CNTN1: variants seen among roughly 807,000 people sequenced by gnomAD.
CNTN1 encodes the protein contactin 1.
In CNTN1, 38 loss-of-function variants were observed where a neutral mutation model predicts 126.4. That is an observed-to-expected ratio of 0.30 (90% CI 0.23 to 0.39). The LOEUF (loss-of-function observed/expected upper bound fraction) is 0.39. Among genes scored for constraint, CNTN1 ranks in the 10% least tolerant of loss-of-function variants. The pLI is 1.00. For synonymous variants in CNTN1, 413 were observed against 422.6 expected, an observed-to-expected ratio of 0.98 and a Z score of 0.28; for missense variants, 1,009 against 1,248.4, an observed-to-expected ratio of 0.81 and a Z score of 2.89.
intron 1 of CNTN1, among the ~76,000 whole-genome samples, chr12:40,831,012 ATATAG>A (rs1157877117): frequency 7.1e-6 from 1 of 141,232 alleles, no homozygotes; most frequent in African/African-American, 2.7e-5. Context: ...ATAAGTTAAT[ATATAG>A]TATAGTATAT....
chr12:40,769,279 C>T (rs895883936), intron 1 of CNTN1, among the ~76,000 whole-genome samples: 1 of 151,710 alleles, frequency 6.6e-6, no homozygotes, highest in East Asian at 1.9e-4. Flanking sequence ...TTTTCTGAAA[C>T]ACATGAGCAA....
intron 1 of CNTN1, among the ~76,000 whole-genome samples, chr12:40,829,824 G>C (rs1455712797): frequency 6.6e-6 from 1 of 152,168 alleles, no homozygotes; most frequent in African/African-American, 2.4e-5. Flanking sequence ...CCTCCTGGCT[G>C]AGGTGGCTGA....
chr12:40,694,583 A>G (rs1357512301), intron 1 of CNTN1, among the ~76,000 whole-genome samples: 1 of 152,210 alleles, frequency 6.6e-6, no homozygotes, highest in Non-Finnish European at 1.5e-5. Flanking sequence ...TAATGTTGAT[A>G]CCAGGAACAA....
chr12:40,842,679 G>T (rs1942331401), intron 1 of CNTN1, among the ~76,000 whole-genome samples: 1 of 152,008 alleles, frequency 6.6e-6, no homozygotes, highest in South Asian at 2.1e-4. Flanking sequence ...ATTATGGAGG[G>T]CAACAATCTG....
At chr12:41,011,391 G>A (rs763309105) in intron 17 of CNTN1, among the ~76,000 whole-genome samples, 13 of 152,314 alleles carry the variant, frequency 8.5e-5, no homozygotes, top group African/African-American at 1.2e-4. Flanking sequence ...GCTTCAGAAT[G>A]CACTCCAGAG....
At chr12:40,961,981 G>A (rs924530905) in intron 15 of CNTN1, among the ~76,000 whole-genome samples, 1 of 151,608 alleles carries the variant, frequency 6.6e-6, no homozygotes, top group East Asian at 1.9e-4. Flanking sequence ...TCAGATATTG[G>A]TAATCTGAAC....
At chr12:40,847,542 G>C (rs1172425979) in intron 1 of CNTN1, among the ~76,000 whole-genome samples, 3 of 152,048 alleles carry the variant, frequency 2.0e-5, no homozygotes, top group Non-Finnish European at 1.5e-5. Context: ...ACTAATGGTT[G>C]CTCTTAATTT....
At chr12:41,015,794 C>A (rs1045154851) in intron 18 of CNTN1, among the ~76,000 whole-genome samples, 1 of 151,634 alleles carries the variant, frequency 6.6e-6, no homozygotes, top group Non-Finnish European at 1.5e-5. Flanking sequence ...GACAAGTACT[C>A]ACTAGAAGTA....
chr12:41,037,612 A>T (rs1054224007), intron 23 of CNTN1, among the ~76,000 whole-genome samples: 4 of 151,556 alleles, frequency 2.6e-5, no homozygotes, highest in African/African-American at 9.7e-5. Context: ...CATTTATATG[A>T]AGTTTAAAAT....
chr12:40,785,369 G>T (rs372178520), intron 1 of CNTN1, among the ~76,000 whole-genome samples: 1 of 152,116 alleles, frequency 6.6e-6, no homozygotes, highest in South Asian at 2.1e-4. Context: ...GGCACGTCAC[G>T]TGGCAAGGAA....
chr12:41,011,480 G>A (rs1948652071), intron 17 of CNTN1, among the ~76,000 whole-genome samples: 1 of 152,226 alleles, frequency 6.6e-6, no homozygotes, highest in African/African-American at 2.4e-5. Context: ...GACCCAGGGT[G>A]GGAGAAAGAC....
chr12:40,825,395 A>T (rs929266171), intron 1 of CNTN1, among the ~76,000 whole-genome samples: 4 of 152,146 alleles, frequency 2.6e-5, no homozygotes, highest in Non-Finnish European at 5.9e-5. Context: ...TAACAGATTT[A>T]TACCCAAATT....
intron 17 of CNTN1, among the ~76,000 whole-genome samples, chr12:41,001,588 G>T (rs571335164): frequency 4.3e-4 from 66 of 152,228 alleles, no homozygotes; most frequent in African/African-American, 1.5e-3. Context: ...CTGTGCAGAA[G>T]CTCTTTAGTT....
At chr12:41,002,714 C>T (rs76090365) in intron 17 of CNTN1, among the ~76,000 whole-genome samples, 4,552 of 151,926 alleles carry the variant, frequency 0.03, 85 homozygotes, top group African/African-American at 0.061. Context: ...CCTACCACCA[C>T]GCTCGGCTAA....
chr12:40,761,142 C>T (rs1938850755), intron 1 of CNTN1, among the ~76,000 whole-genome samples: 1 of 152,050 alleles, frequency 6.6e-6, no homozygotes, highest in Admixed American at 6.5e-5. Context: ...AAGTGAAATA[C>T]AGTTTGGAAA....
rs549480424 is a variant in CNTN1, at chr12:40,867,609, T to TATAAA, written c.-76-40747_-76-40743dup. Among the ~76,000 whole-genome samples, 221 of 152,248 alleles carry TATAAA rather than the reference T, an allele frequency of 1.5e-3. 3 individuals are homozygous for TATAAA. Among genetic ancestry groups the TATAAA allele is most frequent in the African/African-American group, 5.2e-3 (215 of 41,562 alleles). ...AAATGTGTTGTATATGGCAAGTATA[T>TATAAA]ATAAATTTTATTTGTCAATTTAAAA... On this transcript the variant is annotated intron_variant, in intron 1 of 23. Coordinates refer to ENST00000551295, the MANE Select transcript of CNTN1 (RefSeq NM_001843.4).
intron 1 of CNTN1, among the ~76,000 whole-genome samples, chr12:40,693,005 C>G (rs533111462): frequency 6.6e-6 from 1 of 152,310 alleles, no homozygotes; most frequent in African/African-American, 2.4e-5. Flanking sequence ...CGACGCCGGC[C>G]CGCACCTGCT....
At chr12:40,754,131 G>A (rs936514508) in intron 1 of CNTN1, among the ~76,000 whole-genome samples, 1 of 151,772 alleles carries the variant, frequency 6.6e-6, no homozygotes, top group African/African-American at 2.4e-5. Flanking sequence ...ACATATATAG[G>A]ATAAATTATA....
At position 40,869,785 on chromosome 12, in the gene CNTN1, T is replaced by C. The variant is rs147046440; in HGVS notation, c.-76-38572T>C. ...TATTAGAACCACTAATTATTTTGTC[T>C]GTTAGTGAAGATATTGGAATGGAAA... On this transcript the variant is annotated intron_variant, in intron 1 of 23. Transcript: ENST00000551295. 4.1e-3 allele frequency among the ~76,000 whole-genome samples: 625 copies of C among 152,304 alleles called. 5 individuals carry two copies. Among genetic ancestry groups the C allele is most frequent in the African/African-American group, 0.011 (448 of 41,568 alleles).
Sources: gnomAD v4.1 joint callset for allele counts (sites outside exome capture counted in the v4.1 genomes callset) on GRCh38, gnomAD v4.1.1 for gene constraint, MANE v1.5 for transcripts, NCBI Gene and HGNC (gene_info 2026-07-23, HGNC 2026-07-21) for gene names.